Variants in CHUK observed in about 807,000 individuals in gnomAD.
CHUK encodes component of inhibitor of nuclear factor kappa B kinase complex.
A neutral mutation model predicts 104.8 loss-of-function variants in CHUK; 35 were observed. The observed-to-expected ratio is 0.33, with a 90% CI of 0.26 to 0.44. The LOEUF is 0.44. Ranked by LOEUF, CHUK falls within the 20% of genes least tolerant of loss-of-function variation. CHUK has a pLI of 1.00. For missense variants in CHUK, 663 were observed against 902.7 expected, an observed-to-expected ratio of 0.73 and a Z score of 3.40; for synonymous variants, 276 against 291.9, an observed-to-expected ratio of 0.95 and a Z score of 0.56.
At chr10:100,221,987 C>T (rs1399444888) in intron 4 of CHUK, 125 bp downstream of exon 4, 2 of 628,532 alleles carry the variant, frequency 3.2e-6, no homozygotes, top group Non-Finnish European at 5.7e-6. Context: ...TTTATAACTT[C>T]TTATAGATGT....
At chr10:100,218,374 G>A (rs1394727760) in intron 8 of CHUK, among the ~76,000 whole-genome samples, 1 of 152,118 alleles carries the variant, frequency 6.6e-6, no homozygotes, top group African/African-American at 2.4e-5. Context: ...AATCCATTCT[G>A]CAAATAACCC....
intron 16 of CHUK, among the ~76,000 whole-genome samples, chr10:100,197,794 G>A (rs1196732869): frequency 6.6e-6 from 1 of 152,060 alleles, no homozygotes; most frequent in Non-Finnish European, 1.5e-5. Context: ...AGCCTGAAGT[G>A]GAAGGATCAC....
chr10:100,216,622 T>A (rs983172534), intron 9 of CHUK, among the ~76,000 whole-genome samples: 1 of 152,180 alleles, frequency 6.6e-6, no homozygotes, highest in Non-Finnish European at 1.5e-5. Context: ...GAGAATCACT[T>A]GAGCTCAGGG....
At position 100,222,160 on chromosome 10, in the gene CHUK, A is replaced by C. The variant is rs1247885867; in HGVS notation, c.337T>G (p.Cys113Gly). Residue 113 changes from cysteine (C) to glycine (G), a missense_variant, in exon 4 of 21, where the codon TGT becomes GGT. By Grantham distance (159) the Cys-to-Gly change is radical. Around this residue, in one of 5 missense-constraint regions of CHUK, gnomAD observed 200 missense variants for 333.0 expected, o/e 0.60. Transcript: ENST00000370397. ...ATCTGGCTTTCTTTAAGTCCACAAC[A>C]ATTTTCTGGTTTGTTGAGCAGCTAA... ...LRKLLNKPEN[C>G]CGLKESQILS... The C allele has an allele frequency of 1.9e-6, 3 of 1,600,748 alleles. No homozygotes were observed. In the Admixed American group the frequency reaches 5.0e-5, roughly 27 times the overall value.
chr10:100,193,354 G>C lies in CHUK; in HGVS notation c.2052C>G (p.Pro684=). The change falls in exon 19 of 21, where the codon CCC becomes CCG. Residue 684 remains proline, a synonymous_variant. Transcript: ENST00000370397. The stretch of plus-strand genomic sequence containing the variant: ...AATGATCATGTTCTGCTGAAGTCGG[G>C]GGCAGCCATGCTGATGTCTGAGGGG... The part of the protein sequence containing the change: ...AVTPQTSAWL[P]PTSAEHDHSL... 6.2e-7 allele frequency: 1 copy of C among 1,614,092 alleles called. No individual in the cohort carries two copies. The highest frequency in any genetic ancestry group is 8.5e-7 in the Non-Finnish European group (1 of 1,179,982).
chr10:100,215,578 G>C (rs1845837519), intron 9 of CHUK, among the ~76,000 whole-genome samples: 1 of 152,114 alleles, frequency 6.6e-6, no homozygotes, highest in Admixed American at 6.5e-5. Flanking sequence ...TTAGTGGTAG[G>C]TTCAGTACAC....
chr10:100,215,525 C>CAA (rs145760870), intron 9 of CHUK, among the ~76,000 whole-genome samples: 2 of 147,964 alleles, frequency 1.4e-5, no homozygotes, highest in African/African-American at 4.9e-5. Flanking sequence ...AAAGAGGAGG[C>CAA]AAAAAAAAAT....
intron 9 of CHUK, among the ~76,000 whole-genome samples, chr10:100,217,210 C>T (rs1845876842): frequency 6.7e-6 from 1 of 149,858 alleles, no homozygotes; most frequent in African/African-American, 2.5e-5. Flanking sequence ...TTAGGGAAAG[C>T]CCCCCCAAAA....
At chr10:100,189,838 T>TC (rs1395071746) in intron 20 of CHUK, among the ~76,000 whole-genome samples, 2 of 151,388 alleles carry the variant, frequency 1.3e-5, no homozygotes, top group East Asian at 1.9e-4. Flanking sequence ...TCTTTTCTTT[T>TC]TTTTTTTTTT....
intron 19 of CHUK, chr10:100,192,859 A>G: frequency 2.1e-6 from 1 of 480,480 alleles, no homozygotes; most frequent in Non-Finnish European, 2.7e-6. Context: ...AAAATTTATT[A>G]GAAGGGTAAT....
intron 18 of CHUK, 178 bp downstream of exon 18, chr10:100,193,806 G>T (rs1845260653): frequency 3.1e-6 from 2 of 650,088 alleles, no homozygotes; most frequent in African/African-American, 3.6e-5. Flanking sequence ...AAGGAGAGAT[G>T]ATAATAAGTC....
intron 11 of CHUK, among the ~76,000 whole-genome samples, chr10:100,205,889 T>C (rs1845578460): frequency 6.6e-6 from 1 of 152,184 alleles, no homozygotes; most frequent in Non-Finnish European, 1.5e-5. Flanking sequence ...GATTGTGCCA[T>C]TGCACTCCAG....
intron 9 of CHUK, among the ~76,000 whole-genome samples, chr10:100,215,052 T>A (rs1320436647): frequency 6.6e-6 from 1 of 151,866 alleles, no homozygotes; most frequent in African/African-American, 2.4e-5. Context: ...CTGGCCAACA[T>A]GGTGAAACCC....
intron 10 of CHUK, among the ~76,000 whole-genome samples, chr10:100,208,215 T>C (rs1589587440): frequency 6.6e-6 from 1 of 152,090 alleles, no homozygotes; most frequent in East Asian, 1.9e-4. Flanking sequence ...CAAGTGATTC[T>C]CCCACCTCAA....
In CHUK at chr10:100,229,085, CTACA is replaced by C. The variant is rs569611349; in HGVS notation, c.105+339_105+342del. Among the ~76,000 whole-genome samples the C allele has an allele frequency of 4.6e-5, 7 of 151,484 alleles. No individual in the cohort carries two copies. In the South Asian group the frequency reaches 1.5e-3, roughly 32 times the overall value. Reference sequence around the variant, plus strand: ...GCCCTCTTCTCACACATTCGTGCTCCTACATACACACTGTGACGTGCATCTGCCT... The same window carrying C: ...GCCCTCTTCTCACACATTCGTGCTCCTACACACTGTGACGTGCATCTGCCT... On this transcript the variant is annotated intron_variant, in intron 1 of 20. Transcript: ENST00000370397.
At chr10:100,216,355 T>A (rs1309935237) in intron 9 of CHUK, among the ~76,000 whole-genome samples, 1 of 152,230 alleles carries the variant, frequency 6.6e-6, no homozygotes, top group Admixed American at 6.5e-5. Flanking sequence ...AAGCCAGGTA[T>A]CTTTTCAGTG....
intron 16 of CHUK, among the ~76,000 whole-genome samples, chr10:100,198,306 T>C (rs1013733423): frequency 2.0e-5 from 3 of 152,200 alleles, no homozygotes; most frequent in African/African-American, 7.2e-5. Flanking sequence ...AGAAACACTT[T>C]ATGAGTACTT....
In CHUK at chr10:100,225,960, T is replaced by C; in HGVS notation, c.163A>G (p.Arg55Gly). The C allele has an allele frequency of 6.2e-7, 1 of 1,609,500 alleles. No individual in the cohort carries two copies. Among genetic ancestry groups the C allele is most frequent in the Non-Finnish European group, 8.5e-7 (1 of 1,175,852 alleles). ...SCRLELSTKNRERWCHEIQIM... is the reference protein window; with the variant it reads ...SCRLELSTKNGERWCHEIQIM... ...TGGATTTCATGGCACCATCGTTCTC[T>C]GTTTTTGGTACTTAGCTCTAGGCGA... Residue 55 changes from arginine (R) to glycine (G), a missense_variant, in exon 2 of 21, where the codon AGA (arginine) becomes GGA (glycine). By Grantham distance (125) the Arg-to-Gly change is moderately radical. Coordinates refer to ENST00000370397, the MANE Select transcript of CHUK (RefSeq NM_001278.5).
intron 18 of CHUK, 179 bp from the exon 19 acceptor site, chr10:100,193,610 T>C: frequency 1.4e-6 from 1 of 739,354 alleles, no homozygotes; most frequent in Non-Finnish European, 2.2e-6. Context: ...CCTTGGACCC[T>C]TTCTTCATTG....
Sources: gnomAD v4.1 joint callset for allele counts (sites outside exome capture counted in the v4.1 genomes callset) on GRCh38, gnomAD v4.1.1 for gene constraint, gnomAD v4.1.1 regional missense constraint, MANE v1.5 for transcripts, NCBI Gene and HGNC (gene_info 2026-07-23, HGNC 2026-07-21) for gene names.